ADAMTS18: variants seen among roughly 807,000 people sequenced by gnomAD.
ADAMTS18 encodes ADAM metallopeptidase with thrombospondin type 1 motif 18.
Under a neutral mutation model 165.9 loss-of-function variants are expected in ADAMTS18, and 157 were observed. That is an observed-to-expected ratio of 0.95 (90% CI 0.83 to 1.08). The LOEUF (loss-of-function observed/expected upper bound fraction) is 1.08. ADAMTS18 is among the 50% of genes least tolerant of loss of function. The pLI, the probability that ADAMTS18 is intolerant of heterozygous loss-of-function variation, is 0.00. For synonymous variants in ADAMTS18, 782 were observed against 578.2 expected, an observed-to-expected ratio of 1.35 and a Z score of -5.06; for missense variants, 2,040 against 1,534.0, an observed-to-expected ratio of 1.33 and a Z score of -5.51.
intron 3 of ADAMTS18, among the ~76,000 whole-genome samples, chr16:77,403,706 A>C (rs973250440): frequency 3.3e-5 from 5 of 152,220 alleles, no homozygotes; most frequent in Non-Finnish European, 7.3e-5. Flanking sequence ...TCATTCATTC[A>C]AAATAGATAT....
intron 3 of ADAMTS18, among the ~76,000 whole-genome samples, chr16:77,429,827 G>A (rs1332075766): frequency 6.6e-6 from 1 of 152,130 alleles, no homozygotes; most frequent in Non-Finnish European, 1.5e-5. Flanking sequence ...AACTGCTATG[G>A]CACTTTCCAC....
chr16:77,350,562 G>C (rs1324001419), intron 10 of ADAMTS18, among the ~76,000 whole-genome samples: 1 of 152,174 alleles, frequency 6.6e-6, no homozygotes, highest in Non-Finnish European at 1.5e-5. Context: ...ATTTCCCCAA[G>C]CTTATAGGAA....
chr16:77,362,222 T>G lies in ADAMTS18; in HGVS notation c.1099A>C (p.Ser367Arg). Residue 367 changes from serine to arginine, a missense_variant, in exon 7 of 23, where the codon AGT becomes CGT. Ser to Arg is a moderately radical substitution (Grantham distance 110, BLOSUM62 -1). Transcript: ENST00000282849. ...AGGGCAGACTGCCATTGACAAAAAC[T>G]ATTCAGAGACTGGTCTGCATGATGG... The part of the protein sequence containing the change: ...INHHADQSLN[S>R]FCQWQSALIG... 1.2e-6 allele frequency: 2 copies of G among 1,614,168 alleles called. No individual in the cohort carries two copies. Among genetic ancestry groups the G allele is most frequent in the Non-Finnish European group, 1.7e-6 (2 of 1,180,022 alleles).
intron 16 of ADAMTS18, among the ~76,000 whole-genome samples, chr16:77,303,198 G>C (rs889688863): frequency 6.6e-6 from 1 of 152,128 alleles, no homozygotes; most frequent in African/African-American, 2.4e-5. Flanking sequence ...CCCACGTATG[G>C]CTACTGAGTG....
chr16:77,333,841 T>C (rs2056230857), intron 12 of ADAMTS18, among the ~76,000 whole-genome samples: 1 of 143,378 alleles, frequency 7.0e-6, no homozygotes, highest in East Asian at 2.0e-4. Flanking sequence ...ATATTAATAG[T>C]ATAATATAGT....
At chr16:77,315,756 C>T (rs2562125) in intron 16 of ADAMTS18, among the ~76,000 whole-genome samples, 75,171 of 151,968 alleles carry the variant, frequency 0.49, 19,324 homozygotes, top group African/African-American at 0.53. Context: ...ATCCAAGTGC[C>T]CTGCTCAGTT....
rs145430816 is a variant in ADAMTS18 at position 77,350,705 on chromosome 16, T to C, written c.1614+3028A>G. Among the ~76,000 whole-genome samples, 672 of 152,312 alleles carry C rather than the reference T, an allele frequency of 4.4e-3. 11 individuals are homozygous for C. The highest frequency in any genetic ancestry group is 0.016 in the African/African-American group (654 of 41,572). ...AGCGACCCTCAATCTTGACTGAGCATCAGGGTCATCTAGAGCTTTTGTTAG... is the reference window on the plus strand; with the variant it reads ...AGCGACCCTCAATCTTGACTGAGCACCAGGGTCATCTAGAGCTTTTGTTAG... On this transcript the variant is annotated intron_variant, in intron 10 of 22. Coordinates refer to ENST00000282849, the MANE Select transcript of ADAMTS18 (RefSeq NM_199355.4).
intron 3 of ADAMTS18, among the ~76,000 whole-genome samples, chr16:77,420,373 A>T (rs2057586184): frequency 6.6e-6 from 1 of 152,152 alleles, no homozygotes; most frequent in African/African-American, 2.4e-5. Context: ...TCTCAAACTC[A>T]ACTGTGCATT....
rs1328381848 is a variant in ADAMTS18 at position 77,334,837 on chromosome 16, A to ATACAGTATATATAATATACTATAATG, written c.1859+893_1859+918dup. Among the ~76,000 whole-genome samples, 10 of 127,530 alleles carry ATACAGTATATATAATATACTATAATG rather than the reference A, an allele frequency of 7.8e-5. No individual in the cohort carries two copies. In the South Asian group the frequency reaches 1.6e-3, roughly 21 times the overall value. The allele number at this position is 127,530 out of a possible 152,430, so 83.7% of individuals were successfully genotyped here. The stretch of plus-strand genomic sequence containing the variant: ...CAGTATATATACTATATACTATAGT[A>ATACAGTATATATAATATACTATAATG]TACAGTATATATAATATACTATAAT... On this transcript the variant is annotated intron_variant, in intron 12 of 22. Transcript: ENST00000282849.
rs146107396 is a variant in ADAMTS18 at position 77,337,257 on chromosome 16, C to G, written c.1711-1353G>C. Among the ~76,000 whole-genome samples the G allele has an allele frequency of 3.8e-3, 585 of 152,240 alleles. 2 individuals carry two copies. Among genetic ancestry groups the G allele is most frequent in the African/African-American group, 0.013 (559 of 41,544 alleles). On this transcript the variant is annotated intron_variant, in intron 11 of 22. Coordinates refer to ENST00000282849, the MANE Select transcript of ADAMTS18 (RefSeq NM_199355.4). Reference sequence around the variant, plus strand: ...CTACCATAAGCATGCATCTTTTCTACCGGGAATCACGAGGACTCTACTGGA... The same window carrying G: ...CTACCATAAGCATGCATCTTTTCTAGCGGGAATCACGAGGACTCTACTGGA...
chr16:77,314,787 A>ATATATATATATATATAT lies in ADAMTS18; in HGVS notation c.2532+5061_2532+5062insATATATATATATATATA, dbSNP rs1567474883. The stretch of plus-strand genomic sequence containing the variant: ...ATATATATATATATATATATATATA[A>ATATATATATATATATAT]AATATATGTGATATGCTCAGAAGGC... On this transcript the variant is annotated intron_variant, in intron 16 of 22. Transcript: ENST00000282849. Among the ~76,000 whole-genome samples the ATATATATATATATATAT allele has an allele frequency of 1.4e-3, 71 of 49,336 alleles. 8 individuals are homozygous for ATATATATATATATATAT. The highest frequency in any genetic ancestry group is 3.1e-3 in the African/African-American group (40 of 12,840). The allele number at this position is 49,336 out of a possible 152,430, so 32.4% of individuals were successfully genotyped here.
chr16:77,295,388 A>G (rs1161988577), intron 18 of ADAMTS18, among the ~76,000 whole-genome samples: 1 of 95,536 alleles, frequency 1.0e-5, no homozygotes, highest in East Asian at 6.3e-4. Context: ...CCACTTTAAA[A>G]TCTGCACAAT....
At chr16:77,432,864 C>G (rs2057754991) in intron 2 of ADAMTS18, among the ~76,000 whole-genome samples, 1 of 151,930 alleles carries the variant, frequency 6.6e-6, no homozygotes, top group South Asian at 2.1e-4. Context: ...AAAGAATTCT[C>G]CACAATAGAC....
intron 12 of ADAMTS18, among the ~76,000 whole-genome samples, chr16:77,334,067 C>CTATATATAATATACAGTGCTATATAT (rs1567490824): frequency 2.3e-5 from 2 of 88,110 alleles, no homozygotes; most frequent in South Asian, 3.6e-4. Flanking sequence ...GCTATATATG[C>CTATATATAATATACAGTGCTATATAT]TATATATAAT....
intron 3 of ADAMTS18, among the ~76,000 whole-genome samples, chr16:77,399,116 G>C (rs2057294937): frequency 6.6e-6 from 1 of 152,196 alleles, no homozygotes; most frequent in South Asian, 2.1e-4. Flanking sequence ...TCAGCTAGAA[G>C]CTAGACCCAC....
chr16:77,314,070 G>A (rs1007913542), intron 16 of ADAMTS18, among the ~76,000 whole-genome samples: 7 of 152,060 alleles, frequency 4.6e-5, no homozygotes, highest in African/African-American at 1.7e-4. Context: ...ATGCTGAGGG[G>A]GCTGGAAGAA....
chr16:77,299,877 T>G (rs1461809716), intron 17 of ADAMTS18, among the ~76,000 whole-genome samples: 1 of 152,174 alleles, frequency 6.6e-6, no homozygotes, highest in Non-Finnish European at 1.5e-5. Context: ...GACCCTAGCT[T>G]TTATAACTTC....
chr16:77,343,410 A>G (rs1302944917), intron 10 of ADAMTS18, among the ~76,000 whole-genome samples: 2 of 152,210 alleles, frequency 1.3e-5, no homozygotes, highest in Non-Finnish European at 2.9e-5. Context: ...TTCCAGAACT[A>G]TAAGATAATA....
chr16:77,334,769 A>G (rs866380120), intron 12 of ADAMTS18, among the ~76,000 whole-genome samples: 3 of 42,420 alleles, frequency 7.1e-5, no homozygotes, highest in Non-Finnish European at 1.2e-4. Context: ...TATACAGTAT[A>G]TATACTATAG....
Sources: gnomAD v4.1 joint callset for allele counts (sites outside exome capture counted in the v4.1 genomes callset) on GRCh38, gnomAD v4.1.1 for gene constraint, MANE v1.5 for transcripts, NCBI Gene and HGNC (gene_info 2026-07-23, HGNC 2026-07-21) for gene names.